The following MCF2 variants were observed in gnomAD, a reference collection of about 807,000 sequenced individuals.
MCF2 encodes MCF.2 cell line derived transforming sequence, also known as proto-oncogene DBL.
In MCF2, 44 loss-of-function variants were observed where a neutral mutation model predicts 82.5. That is an observed-to-expected ratio of 0.53 (90% CI 0.42 to 0.69). The LOEUF (loss-of-function observed/expected upper bound fraction) is 0.69. MCF2 is among the 30% of genes least tolerant of loss of function. MCF2 has a pLI of 0.00. For missense variants in MCF2, 623 were observed against 663.1 expected (o/e 0.94, Z 0.66); for synonymous variants, 217 against 224.9 (o/e 0.96, Z 0.32).
chrX:139,637,859 C>T (rs888844328), intron 1 of MCF2, among the ~76,000 whole-genome samples: 3 of 110,679 alleles, frequency 2.7e-5, no homozygotes, highest in African/African-American at 9.9e-5. Context: ...ATGGTGGGAC[C>T]GATGTAATCA....
At chrX:139,652,342 G>A (rs1373627656) in intron 1 of MCF2, among the ~76,000 whole-genome samples, 4 of 111,256 alleles carry the variant, frequency 3.6e-5, no homozygotes, top group African/African-American at 6.5e-5. Context: ...ATGCAAACGC[G>A]GGCAAGTTAG....
intron 1 of MCF2, among the ~76,000 whole-genome samples, chrX:139,659,713 T>C (rs1569388971): frequency 9.0e-6 from 1 of 111,608 alleles, no homozygotes. Context: ...TCTCACATGG[T>C]TTCCTAAAAA....
At chrX:139,625,039 C>A (rs755199829) in intron 6 of MCF2, among the ~76,000 whole-genome samples, 1 of 110,590 alleles carries the variant, frequency 9.0e-6, no homozygotes, top group African/African-American at 3.3e-5. Context: ...CTTATATTTG[C>A]CATTTTTCTG....
chrX:139,670,680 C>T (rs1355236671), intron 1 of MCF2, among the ~76,000 whole-genome samples: 7 of 111,832 alleles, frequency 6.3e-5, no homozygotes, highest in Non-Finnish European at 1.3e-4. Flanking sequence ...CCATGGTGTA[C>T]ATGTGCCAAA....
chrX:139,663,007 T>C (rs186102681), intron 1 of MCF2, among the ~76,000 whole-genome samples: 3 of 112,525 alleles, frequency 2.7e-5, no homozygotes, highest in African/African-American at 9.7e-5. Context: ...TATTCCATTG[T>C]GTATATATGC....
chrX:139,604,821 T>C, intron 14 of MCF2, 48 bp downstream of exon 18: 1 of 1,055,447 alleles, frequency 9.5e-7, no homozygotes, highest in Non-Finnish European at 1.3e-6. Context: ...AAGAGAGCAC[T>C]TTAAATAGTT....
chrX:139,607,193 T>A (rs753151976), intron 12 of MCF2: 1 of 111,342 alleles, frequency 9.0e-6, no homozygotes, highest in Non-Finnish European at 1.9e-5. Flanking sequence ...ATGTGTTAAC[T>A]AACTTGATAT....
exon 1 of MCF2, chrX:139,642,625 A>T: frequency 8.3e-7 from 1 of 1,197,744 alleles, no homozygotes; most frequent in Admixed American, 2.2e-5. Context: ...AAAAATCTCT[A>T]TCAAACAAAG....
At chrX:139,695,221 G>C (rs1192987140) in intron 1 of MCF2, among the ~76,000 whole-genome samples, 1 of 109,805 alleles carries the variant, frequency 9.1e-6, no homozygotes, top group East Asian at 2.9e-4. Flanking sequence ...GTAGAGATGG[G>C]GTTTTGCCAT....
chrX:139,685,200 G>C (rs1439345305), intron 1 of MCF2, among the ~76,000 whole-genome samples: 1 of 111,030 alleles, frequency 9.0e-6, no homozygotes, highest in East Asian at 2.8e-4. Context: ...AATTGGAAAA[G>C]AGGAAGTCAA....
At chrX:139,588,780 AT>A in intron 20 of MCF2, among the ~76,000 whole-genome samples, 1 of 108,622 alleles carries the variant, frequency 9.2e-6, no homozygotes, top group African/African-American at 3.4e-5. Flanking sequence ...AATAATAATA[AT>A]TAGCCAGGTG....
chrX:139,589,025 C>T (rs1264555201), intron 20 of MCF2, among the ~76,000 whole-genome samples: 2 of 111,001 alleles, frequency 1.8e-5, no homozygotes, highest in African/African-American at 6.5e-5. Flanking sequence ...TTTGTCTTTA[C>T]AGGAGGATTC....
chrX:139,682,906 A>T (rs960009055), intron 1 of MCF2, among the ~76,000 whole-genome samples: 1 of 111,736 alleles, frequency 8.9e-6, no homozygotes, highest in Non-Finnish European at 1.9e-5. Context: ...AATAATTCTC[A>T]TACTAGGAAT....
At chrX:139,617,177 C>T (rs1049958889) in intron 8 of MCF2, among the ~76,000 whole-genome samples, 1 of 111,478 alleles carries the variant, frequency 9.0e-6, no homozygotes, top group Non-Finnish European at 1.9e-5. Context: ...GTTCCAAGTA[C>T]AAACCATCAC....
rs150364814 is a variant in MCF2, at chrX:139,624,220, A to T, written c.687+1973T>A. Reference sequence around the variant, plus strand: ...ATGAGAAGATGTCCAACAAACTCCAAATGAAGAAAAATGCATTTCAAAAGG... The same window carrying T: ...ATGAGAAGATGTCCAACAAACTCCATATGAAGAAAAATGCATTTCAAAAGG... On this transcript the variant is annotated intron_variant, in intron 6 of 24. Coordinates refer to ENST00000370576, the Ensembl canonical transcript of MCF2. Among the ~76,000 whole-genome samples, 570 of 111,387 alleles carry T rather than the reference A, an allele frequency of 5.1e-3. 4 individuals are homozygous for T. Among genetic ancestry groups the T allele is most frequent in the African/African-American group, 0.018 (549 of 30,650 alleles).
chrX:139,666,880 C>A lies in MCF2; in HGVS notation c.-44-15092G>T, dbSNP rs890103392. On this transcript the variant is annotated intron_variant, in intron 1 of 27. Transcript: ENST00000414978. ...AGTAGCTTTATTTTGTCCCAAATGT[C>A]CCAAAAAATTGCTTGCTCTTTTTTT... Among the ~76,000 whole-genome samples the A allele has an allele frequency of 3.6e-5, 4 of 111,703 alleles. No individual in the cohort carries two copies. In the South Asian group the frequency reaches 1.5e-3, roughly 42 times the overall value.
intron 1 of MCF2, among the ~76,000 whole-genome samples, chrX:139,673,512 T>C (rs1218279065): frequency 2.7e-5 from 3 of 112,180 alleles, no homozygotes; most frequent in Admixed American, 9.4e-5. Context: ...TCTGGTACAT[T>C]GTGTCTTTGT....
intron 1 of MCF2, among the ~76,000 whole-genome samples, chrX:139,703,520 G>T (rs966422909): frequency 1.5e-4 from 17 of 111,939 alleles, no homozygotes; most frequent in African/African-American, 5.2e-4. Flanking sequence ...GGTGTCACCT[G>T]AGGTCAGGAG....
At position 139,651,713 on chromosome X, in the gene MCF2, T is replaced by G. The variant is rs1309118996; in HGVS notation, c.25+7A>C. ...TATCTGGACTATATATAAGAAAGTTTGCTTACCAGACAAGAAGGCGATGTC... is the reference window on the plus strand; with the variant it reads ...TATCTGGACTATATATAAGAAAGTTGGCTTACCAGACAAGAAGGCGATGTC... On this transcript the variant is annotated splice_region_variant and intron_variant, in intron 2 of 27. Coordinates refer to the MCF2 transcript ENST00000414978. 6 of 1,130,998 alleles carry G rather than the reference T, an allele frequency of 5.3e-6. No individual in the cohort carries two copies. 93.2% of individuals were successfully genotyped at this position (1,130,998 alleles called of 1,213,427 possible).
Sources: gnomAD v4.1 joint callset for allele counts (sites outside exome capture counted in the v4.1 genomes callset) on GRCh38, gnomAD v4.1.1 for gene constraint, MANE v1.5 for transcripts, NCBI Gene and HGNC (gene_info 2026-07-23, HGNC 2026-07-21) for gene names.